The following TFPI variants were observed in gnomAD, a reference collection of about 807,000 sequenced individuals.
TFPI encodes tissue factor pathway inhibitor, also known as anti-convertin.
In TFPI, 15 loss-of-function variants were observed where a neutral mutation model predicts 34.6. The observed-to-expected ratio is 0.43, with a 90% confidence interval of 0.29 to 0.67. TFPI has a LOEUF of 0.67. Ranked by LOEUF, TFPI falls within the 30% of genes least tolerant of loss-of-function variation. TFPI has a pLI of 0.15. For synonymous variants in TFPI, 105 were observed against 120.1 expected (o/e 0.87, Z 0.82); for missense variants, 301 against 364.0 (o/e 0.83, Z 1.41).
Position 187,551,952 on chromosome 2 carries a change from A to G in TFPI, c.-3+2248T>C, listed in dbSNP as rs146351469. Reference sequence around the variant, plus strand: ...CCTTTATTGAGAATAGATGAGTTGTATTGTAGTACAATTCTTAGATCATGT... The same window carrying G: ...CCTTTATTGAGAATAGATGAGTTGTGTTGTAGTACAATTCTTAGATCATGT... On this transcript the variant is annotated intron_variant, in intron 1 of 7. Coordinates refer to ENST00000233156, the MANE Select transcript of TFPI (RefSeq NM_006287.6). Among the ~76,000 whole-genome samples the G allele has an allele frequency of 2.7e-3, 408 of 152,240 alleles. 5 individuals carry two copies. The highest frequency in any genetic ancestry group is 9.5e-3 in the African/African-American group (395 of 41,570).
At chr2:187,503,555 T>C (rs1685995158) in intron 2 of TFPI, 93 bp downstream of exon 2, 7 of 1,457,982 alleles carry the variant, frequency 4.8e-6, no homozygotes, top group Non-Finnish European at 6.5e-6. Context: ...TAACAACTAA[T>C]TTCCCTCCAC....
intron 1 of TFPI, among the ~76,000 whole-genome samples, chr2:187,543,856 C>T (rs1344794453): frequency 6.6e-6 from 1 of 152,164 alleles, no homozygotes; most frequent in East Asian, 1.9e-4. Flanking sequence ...AAGGTATCTC[C>T]TCCTTCTATT....
rs142317270 is a variant in TFPI, at chr2:187,467,014, G to T, written c.837C>A (p.Gly279=). 365 of 1,583,940 alleles carry T rather than the reference G, an allele frequency of 2.3e-4. 1 individual carries two copies. The highest frequency in any genetic ancestry group is 8.4e-4 in the Middle Eastern group (5 of 5,942). ...KGFIQRISKG[G]LIKTKRKRKK... Reference sequence around the variant, plus strand: ...TTCTTTTTCTTTTGGTTTTAATTAGGCCTCCTTTTGATATTCTTTGGATGA... The same window carrying T: ...TTCTTTTTCTTTTGGTTTTAATTAGTCCTCCTTTTGATATTCTTTGGATGA... The change falls in exon 8 of 8, where the codon GGC becomes GGA. Residue 279 remains glycine, a synonymous_variant. Coordinates refer to ENST00000233156, the MANE Select transcript of TFPI (RefSeq NM_006287.6).
At position 187,481,964 on chromosome 2, in the gene TFPI, T is replaced by C. The variant is rs1174459744; in HGVS notation, c.628+2160A>G. Reference sequence around the variant, plus strand: ...TTTATTTATTTGTTACAATTTTCAATGTGCATCTACACAATAAACTAAAGA... The same window carrying C: ...TTTATTTATTTGTTACAATTTTCAACGTGCATCTACACAATAAACTAAAGA... On this transcript the variant is annotated intron_variant, in intron 6 of 7. Transcript: ENST00000233156. Among the ~76,000 whole-genome samples the C allele has an allele frequency of 2.0e-5, 3 of 151,766 alleles. No individual in the cohort carries two copies. The East Asian group carries it at 5.8e-4, about 29-fold the overall frequency.
chr2:187,520,040 C>G (rs1687273997), intron 1 of TFPI, among the ~76,000 whole-genome samples: 2 of 152,140 alleles, frequency 1.3e-5, no homozygotes, highest in African/African-American at 4.8e-5. Flanking sequence ...GACTGCTATG[C>G]TAGCAGCAAG....
At chr2:187,552,968 T>C (rs1412528097) in intron 1 of TFPI, among the ~76,000 whole-genome samples, 1 of 152,132 alleles carries the variant, frequency 6.6e-6, no homozygotes, top group African/African-American at 2.4e-5. Flanking sequence ...ATATTTCATA[T>C]AATTTTATTA....
intron 1 of TFPI, chr2:187,519,899 TTGTGG>T (rs1455261001): frequency 6.6e-6 from 1 of 152,184 alleles, no homozygotes; most frequent in African/African-American, 2.4e-5. Flanking sequence ...TGCTGAGCTG[TTGTGG>T]GCTTCGCCCA....
chr2:187,505,400 A>C (rs977066373), intron 1 of TFPI, among the ~76,000 whole-genome samples: 1 of 152,120 alleles, frequency 6.6e-6, no homozygotes, highest in Non-Finnish European at 1.5e-5. Context: ...TTGGATCATC[A>C]GTTTATTTAT....
intron 1 of TFPI, among the ~76,000 whole-genome samples, chr2:187,532,444 G>A (rs1688009443): frequency 6.6e-6 from 1 of 152,184 alleles, no homozygotes; most frequent in East Asian, 1.9e-4. Flanking sequence ...CCGAAGCAGG[G>A]TGCTGCGTTG....
chr2:187,503,256 A>G (rs1259256410), intron 2 of TFPI, among the ~76,000 whole-genome samples: 3 of 152,084 alleles, frequency 2.0e-5, no homozygotes, highest in Admixed American at 1.3e-4. Flanking sequence ...CTGAAACCTC[A>G]GATGTCTGAA....
At chr2:187,468,794 T>A (rs1296020888) in intron 6 of TFPI, among the ~76,000 whole-genome samples, 3 of 151,356 alleles carry the variant, frequency 2.0e-5, no homozygotes, top group African/African-American at 7.3e-5. Context: ...TACTCTTCGG[T>A]AGCACAGCTA....
intron 1 of TFPI, among the ~76,000 whole-genome samples, chr2:187,542,611 C>T (rs912162648): frequency 6.6e-6 from 1 of 152,100 alleles, no homozygotes; most frequent in Admixed American, 6.6e-5. Flanking sequence ...CGGCTCATGC[C>T]TGTAATCCCA....
At chr2:187,502,514 A>G (rs984670947) in intron 2 of TFPI, among the ~76,000 whole-genome samples, 1 of 152,176 alleles carries the variant, frequency 6.6e-6, no homozygotes, top group Non-Finnish European at 1.5e-5. Context: ...ATTGAAACTC[A>G]TAATGTTCAA....
At chr2:187,540,174 A>G (rs915456719) in intron 1 of TFPI, among the ~76,000 whole-genome samples, 2 of 152,170 alleles carry the variant, frequency 1.3e-5, no homozygotes, top group African/African-American at 4.8e-5. Context: ...AAGTGCTAGG[A>G]TTACAGGCGT....
chr2:187,507,824 A>G (rs1175906858), intron 1 of TFPI, among the ~76,000 whole-genome samples: 5 of 151,956 alleles, frequency 3.3e-5, no homozygotes, highest in African/African-American at 1.2e-4. Flanking sequence ...ATTAGATCCC[A>G]TTTGTCAATT....
intron 1 of TFPI, among the ~76,000 whole-genome samples, chr2:187,512,520 GA>G (rs34346806): frequency 1.3e-3 from 184 of 141,026 alleles, no homozygotes; most frequent in African/African-American, 2.9e-3. Flanking sequence ...GTAATTGAAG[GA>G]AAAAAAAAAA....
chr2:187,480,085 T>C (rs998332578), intron 6 of TFPI, among the ~76,000 whole-genome samples: 18 of 152,070 alleles, frequency 1.2e-4, no homozygotes, highest in Non-Finnish European at 4.4e-5. Context: ...ATTCAAACTC[T>C]TCGAGTTTCC....
intron 3 of TFPI, among the ~76,000 whole-genome samples, chr2:187,489,129 C>A (rs916092750): frequency 3.3e-5 from 5 of 151,192 alleles, no homozygotes; most frequent in African/African-American, 1.2e-4. Context: ...CAGAGAAAAT[C>A]TTTGGTCAAA....
At chr2:187,470,421 A>G (rs1251998144) in intron 6 of TFPI, among the ~76,000 whole-genome samples, 2 of 152,170 alleles carry the variant, frequency 1.3e-5, no homozygotes, top group African/African-American at 2.4e-5. Flanking sequence ...TCAAAATGGG[A>G]AAAAGCTAGG....
Sources: allele counts gnomAD v4.1 joint callset (sites outside exome capture counted in the v4.1 genomes callset), GRCh38; gene constraint gnomAD v4.1.1; transcripts MANE v1.5; gene names NCBI Gene and HGNC (gene_info 2026-07-23, HGNC 2026-07-21).